Variants in RFT1 observed in about 807,000 individuals in gnomAD.
The protein encoded by RFT1 is man(5)GlcNAc(2)-PP-dolichol translocation protein RFT1.
Under a neutral mutation model 62.2 loss-of-function variants are expected in RFT1, and 43 were observed. That is an observed-to-expected ratio of 0.69 (90% CI 0.54 to 0.89). The LOEUF is 0.89. Ranked by LOEUF, RFT1 falls within the 40% of genes least tolerant of loss-of-function variation. RFT1 has a pLI of 0.00. For synonymous variants in RFT1, 262 were observed against 264.6 expected (o/e 0.99, Z 0.10); for missense variants, 605 against 649.9 (o/e 0.93, Z 0.75).
At chr3:53,101,281 G>A (rs939374522) in intron 10 of RFT1, among the ~76,000 whole-genome samples, 1 of 152,212 alleles carries the variant, frequency 6.6e-6, no homozygotes, top group Non-Finnish European at 1.5e-5. Context: ...GTGACTCCAG[G>A]AAGGGAGGCG....
At chr3:53,116,459 A>G (rs1701800613) in intron 6 of RFT1, among the ~76,000 whole-genome samples, 2 of 151,766 alleles carry the variant, frequency 1.3e-5, no homozygotes, top group South Asian at 4.2e-4. Context: ...ATGCCCAGCT[A>G]AATTTTACAT....
intron 6 of RFT1, among the ~76,000 whole-genome samples, chr3:53,114,905 C>T (rs1701750720): frequency 6.6e-6 from 1 of 152,182 alleles, no homozygotes; most frequent in African/African-American, 2.4e-5. Flanking sequence ...ACATCCTTAC[C>T]ACAATGACAA....
chr3:53,082,670 G>A, the RFT1 span, among the ~76,000 whole-genome samples: 1 of 152,260 alleles, frequency 6.6e-6, no homozygotes, highest in African/African-American at 2.4e-5. Flanking sequence ...GATGGAGTCT[G>A]TTGTGAAGAT....
rs6769931 is a variant in RFT1, at chr3:53,126,177, G to T, written c.64-183C>A. Among the ~76,000 whole-genome samples, 40,016 of 152,076 alleles carry T rather than the reference G, an allele frequency of 0.26. 5,659 individuals carry two copies. Among genetic ancestry groups the T allele is most frequent in the Middle Eastern group, 0.39 (115 of 292 alleles). On this transcript the variant is annotated intron_variant, in intron 1 of 12. Coordinates refer to ENST00000296292, the MANE Select transcript of RFT1 (RefSeq NM_052859.4). ...TTTCTCCTGAAATTTCATTCCATGG[G>T]ATCTCTCAGCACTCCCGTGCAGTAG...
chr3:53,093,846 C>A (rs1480513584), intron 11 of RFT1, among the ~76,000 whole-genome samples: 1 of 152,094 alleles, frequency 6.6e-6, no homozygotes, highest in Admixed American at 6.5e-5. Flanking sequence ...TATCATGAGA[C>A]CGTGTCTCTA....
the RFT1 span, among the ~76,000 whole-genome samples, chr3:53,067,536 C>T: frequency 1.3e-5 from 2 of 152,188 alleles, no homozygotes; most frequent in Non-Finnish European, 2.9e-5. Flanking sequence ...AGGGAATCTC[C>T]TAGGGTGAGG....
the RFT1 span, among the ~76,000 whole-genome samples, chr3:53,075,388 G>A: frequency 9.9e-5 from 15 of 152,220 alleles, no homozygotes; most frequent in East Asian, 7.7e-4. Flanking sequence ...GAGGATATGC[G>A]GCCTGTACCC....
At position 53,122,178 on chromosome 3, in the gene RFT1, C is replaced by A. The variant is rs569214263; in HGVS notation, c.456+196G>T. 8.5e-5 allele frequency among the ~76,000 whole-genome samples: 13 copies of A among 152,230 alleles called. No individual in the cohort carries two copies. The East Asian group carries it at 2.5e-3, about 29-fold the overall frequency. Reference sequence around the variant, plus strand: ...AATCTGTTTTTTATTTATGGTGAAACAGAGGTGAACTTTAGCCTAGCCCAT... The same window carrying A: ...AATCTGTTTTTTATTTATGGTGAAAAAGAGGTGAACTTTAGCCTAGCCCAT... On this transcript the variant is annotated intron_variant, in intron 4 of 12. Transcript: ENST00000296292.
chr3:53,116,846 T>C (rs1207805453), intron 6 of RFT1, among the ~76,000 whole-genome samples: 1 of 152,160 alleles, frequency 6.6e-6, no homozygotes, highest in Non-Finnish European at 1.5e-5. Context: ...TCAAGTGATC[T>C]GCCCGCTCAG....
chr3:53,074,898 G>A, the RFT1 span, among the ~76,000 whole-genome samples: 7 of 152,304 alleles, frequency 4.6e-5, no homozygotes, highest in East Asian at 3.9e-4. Flanking sequence ...GGTCTAGCCC[G>A]TGGGGAGAAG....
chr3:53,113,144 T>C (rs752430328), intron 6 of RFT1, among the ~76,000 whole-genome samples: 1 of 152,172 alleles, frequency 6.6e-6, no homozygotes. Context: ...GCCTCCAGAA[T>C]AGCCGGGACT....
chr3:53,117,638 C>CA (rs1454815324), intron 6 of RFT1, among the ~76,000 whole-genome samples: 1 of 152,162 alleles, frequency 6.6e-6, no homozygotes, highest in Non-Finnish European at 1.5e-5. Flanking sequence ...ACTGAGCTCC[C>CA]ACACCAATAA....
intron 11 of RFT1, among the ~76,000 whole-genome samples, chr3:53,095,744 T>C (rs1218096580): frequency 6.8e-6 from 1 of 147,538 alleles, no homozygotes; most frequent in Non-Finnish European, 1.5e-5. Flanking sequence ...AAAAAAGGCA[T>C]GGATGGTCGA....
At chr3:53,093,888 C>T (rs1701066811) in intron 11 of RFT1, among the ~76,000 whole-genome samples, 1 of 152,130 alleles carries the variant, frequency 6.6e-6, no homozygotes, top group Non-Finnish European at 1.5e-5. Flanking sequence ...GTGATATACA[C>T]CTGTTGTCCC....
At chr3:53,115,034 T>C (rs1391647273) in intron 6 of RFT1, among the ~76,000 whole-genome samples, 3 of 152,150 alleles carry the variant, frequency 2.0e-5, no homozygotes, top group South Asian at 2.1e-4. Flanking sequence ...TCTGGGGCTA[T>C]TGATGCTGCC....
intron 5 of RFT1, among the ~76,000 whole-genome samples, chr3:53,120,575 C>G (rs971232204): frequency 1.3e-5 from 2 of 152,220 alleles, no homozygotes; most frequent in African/African-American, 4.8e-5. Context: ...GGGCCCACCC[C>G]TCCCTCCACC....
chr3:53,092,258 A>C (rs1701012360), intron 12 of RFT1, 111 bp downstream of exon 12: 1 of 1,476,718 alleles, frequency 6.8e-7, no homozygotes, highest in African/African-American at 1.4e-5. Context: ...GCTGCCCTAG[A>C]GGCCTGGGGA....
At chr3:53,092,277 G>A (rs1356241017) in intron 12 of RFT1, 92 bp downstream of exon 12, 9 of 1,537,154 alleles carry the variant, frequency 5.9e-6, no homozygotes, top group Non-Finnish European at 7.1e-6. Flanking sequence ...GAGGGGACAG[G>A]AGGAGGCAAA....
intron 6 of RFT1, among the ~76,000 whole-genome samples, chr3:53,119,322 G>T (rs1701901018): frequency 2.0e-5 from 3 of 152,164 alleles, no homozygotes; most frequent in Admixed American, 2.0e-4. Context: ...AGAGAGAGTG[G>T]AACACAATGG....
Sources: allele counts gnomAD v4.1 joint callset (sites outside exome capture counted in the v4.1 genomes callset), GRCh38; gene constraint gnomAD v4.1.1; transcripts MANE v1.5; gene names NCBI Gene and HGNC (gene_info 2026-07-23, HGNC 2026-07-21).